The following ASMT variants were observed in gnomAD, a reference collection of about 807,000 sequenced individuals.
ASMT encodes the protein acetylserotonin N-methyltransferase.
Under a neutral mutation model 41.3 loss-of-function variants are expected in ASMT, and 53 were observed. The ratio of observed to expected loss-of-function variants is 1.28; its 90% CI spans 1.03 to 1.61. The LOEUF (loss-of-function observed/expected upper bound fraction) is 1.61, where lower values mean the gene tolerates loss of function less well. Among genes scored for constraint, ASMT ranks in the 40% most tolerant of loss-of-function variants. ASMT has a pLI of 0.00. For synonymous variants in ASMT, 231 were observed against 184.8 expected, an observed-to-expected ratio of 1.25 and a Z score of -2.03; for missense variants, 531 against 441.3, an observed-to-expected ratio of 1.20 and a Z score of -1.82.
chrX:1,619,417 G>A (rs1478126146), intron 1 of ASMT, among the ~76,000 whole-genome samples: 2 of 150,328 alleles, frequency 1.3e-5, no homozygotes, highest in Non-Finnish European at 3.0e-5. Flanking sequence ...AAAAGTGGGG[G>A]CTGGGGAGGG....
intron 1 of ASMT, among the ~76,000 whole-genome samples, chrX:1,616,691 G>C (rs1434017265): frequency 2.6e-5 from 4 of 151,162 alleles, no homozygotes; most frequent in Admixed American, 2.0e-4. Flanking sequence ...GCAACATAGT[G>C]AGACCCCCCA....
chrX:1,620,964 C>A (rs1466179267), intron 1 of ASMT, among the ~76,000 whole-genome samples: 2 of 151,476 alleles, frequency 1.3e-5, no homozygotes, highest in Non-Finnish European at 2.9e-5. Context: ...GGTGTGGTGG[C>A]ACGTGCCTGT....
intron 7 of ASMT, 93 bp from the exon 8 acceptor site, chrX:1,636,345 G>T: frequency 6.3e-7 from 1 of 1,583,088 alleles, no homozygotes; most frequent in South Asian, 1.1e-5. Flanking sequence ...GGAAAGGCGT[G>T]ACCCATCCAG....
At chrX:1,634,710 G>C (rs1934895875) in intron 7 of ASMT, among the ~76,000 whole-genome samples, 1 of 149,652 alleles carries the variant, frequency 6.7e-6, no homozygotes, top group Non-Finnish European at 1.5e-5. Context: ...TGTCACCCAG[G>C]CTGGAGTGCA....
chrX:1,620,874 C>T (rs1200591253), intron 1 of ASMT, among the ~76,000 whole-genome samples: 11 of 150,434 alleles, frequency 7.3e-5, no homozygotes, highest in Middle Eastern at 3.4e-3. Context: ...GGCGACAGAG[C>T]GAGACTCTGT....
intron 7 of ASMT, 87 bp from the exon 8 acceptor site, chrX:1,636,351 T>A (rs762617586): frequency 1.3e-6 from 2 of 1,598,114 alleles, no homozygotes; most frequent in South Asian, 2.2e-5. Flanking sequence ...GCGTGACCCA[T>A]CCAGGTGACC....
intron 1 of ASMT, among the ~76,000 whole-genome samples, chrX:1,618,490 A>G (rs1934219284): frequency 1.5e-5 from 2 of 137,022 alleles, no homozygotes; most frequent in Non-Finnish European, 1.6e-5. Flanking sequence ...GGTAGAGATG[A>G]GGTTTCATCA....
chrX:1,623,009 AT>A (rs1451979399), intron 1 of ASMT, 129 bp from the exon 2 acceptor site: 8 of 828,048 alleles, frequency 9.7e-6, no homozygotes, highest in Non-Finnish European at 1.3e-5. Flanking sequence ...AAAAAAAAAA[AT>A]AAATAAATGA....
chrX:1,617,832 C>T (rs1603461104), intron 1 of ASMT, among the ~76,000 whole-genome samples: 2 of 151,920 alleles, frequency 1.3e-5, no homozygotes, highest in Admixed American at 1.3e-4. Flanking sequence ...TCAGGCTGGT[C>T]TCGAACTCCC....
In ASMT at chrX:1,636,499, T is replaced by A; in HGVS notation, c.849T>A (p.His283Gln). Residue 283 changes from histidine to glutamine, a missense_variant, in exon 8 of 9, where the codon CAT becomes CAA. Physicochemically the swap from His to Gln is conservative, Grantham distance 24. Coordinates refer to ENST00000381241, the MANE Select transcript of ASMT (RefSeq NM_001171038.2). ...TGTACATCCTGGCCAGGGTCCTCCATGACTGGGCAGACGGAAAGTGCTCAC... is the reference window on the plus strand; with the variant it reads ...TGTACATCCTGGCCAGGGTCCTCCAAGACTGGGCAGACGGAAAGTGCTCAC... ...ADLYILARVL[H>Q]DWADGKCSHL... 6.2e-7 allele frequency: 1 copy of A among 1,613,934 alleles called. No individual in the cohort carries two copies. Among genetic ancestry groups the A allele is most frequent in the Non-Finnish European group, 8.5e-7 (1 of 1,179,858 alleles).
chrX:1,636,654 C>T, intron 8 of ASMT, 94 bp downstream of exon 8: 3 of 1,597,236 alleles, frequency 1.9e-6, no homozygotes, highest in Non-Finnish European at 2.6e-6. Context: ...AATCATCCCA[C>T]AGGTAAGGGT....
rs746564756 is a variant in ASMT at position 1,628,159 on chromosome X, A to G, written c.443+388A>G. 3.1e-5 allele frequency: 8 copies of G among 259,270 alleles called. No individual in the cohort carries two copies. In the East Asian group the frequency reaches 5.0e-4, roughly 16 times the overall value. 16.1% of individuals were successfully genotyped at this position (259,270 alleles called of 1,614,324 possible). ...AACAGGGTGAAACCCCGTCTCTACT[A>G]AAAATACAAAAATTAGCCGGGCGTG... On this transcript the variant is annotated intron_variant, in intron 4 of 8. Coordinates refer to ENST00000381241, the MANE Select transcript of ASMT (RefSeq NM_001171038.2).
intron 2 of ASMT, among the ~76,000 whole-genome samples, chrX:1,624,003 C>CTCAGAGGAAG: frequency 6.6e-6 from 1 of 152,166 alleles, no homozygotes; most frequent in South Asian, 2.1e-4. Context: ...CCTCTCGTGG[C>CTCAGAGGAAG]TCATCTGCCT....
chrX:1,624,375 G>C lies in ASMT; in HGVS notation c.351G>C (p.Trp117Cys), dbSNP rs763660854. Residue 117 changes from tryptophan (W) to cysteine (C), a missense_variant, in exon 3 of 9, where the codon TGG becomes TGC. By Grantham distance (215) the Trp-to-Cys change is radical. Transcript: ENST00000381241. ...KYMGRTSYRC[W>C]GHLADAVREG... ...TGGGCAGGACCAGCTACCGGTGCTG[G>C]GGCCACCTGGCAGACGCCGTGAGGT... 1 of 1,613,610 alleles carries C rather than the reference G, an allele frequency of 6.2e-7. No homozygotes were observed. Among genetic ancestry groups the C allele is most frequent in the Non-Finnish European group, 8.5e-7 (1 of 1,179,874 alleles).
chrX:1,616,977 G>C (rs1218109690), intron 1 of ASMT, among the ~76,000 whole-genome samples: 8 of 152,118 alleles, frequency 5.3e-5, no homozygotes, highest in Admixed American at 3.3e-4. Context: ...CAAAGTGCTG[G>C]GATTACAGGC....
chrX:1,642,851 G>C lies in ASMT; in HGVS notation c.959G>C (p.Gly320Ala), dbSNP rs765596621. The C allele has an allele frequency of 1.2e-6, 2 of 1,613,870 alleles. No individual in the cohort carries two copies. The highest frequency in any genetic ancestry group is 1.7e-6 in the Non-Finnish European group (2 of 1,179,880). The change falls in exon 9 of 9, where the codon GGT becomes GCT. Residue 320 changes from glycine (G) to alanine (A), a missense_variant. By Grantham distance (60) the Gly-to-Ala change is moderately conservative. Coordinates refer to ENST00000381241, the MANE Select transcript of ASMT (RefSeq NM_001171038.2). The stretch of plus-strand genomic sequence containing the variant: ...AGCCTCCTGGATGAAGACAGGCGAG[G>C]TCCTCTGCTCACGCAGCTCTACTCT... ...IESLLDEDRR[G>A]PLLTQLYSLN...
intron 1 of ASMT, among the ~76,000 whole-genome samples, chrX:1,618,064 C>T (rs1401369128): frequency 1.3e-4 from 19 of 149,440 alleles, no homozygotes; most frequent in Non-Finnish European, 2.2e-4. Flanking sequence ...GAGCGGCCTC[C>T]GCCTACGGGG....
chrX:1,623,183 C>T lies in ASMT; in HGVS notation c.114C>T (p.Ala38=), dbSNP rs147563530. Residue 38 remains alanine, a synonymous_variant, in exon 2 of 9, where the codon GCC becomes GCT. Coordinates refer to ENST00000381241, the MANE Select transcript of ASMT (RefSeq NM_001171038.2). The part of the protein sequence containing the change: ...ACELGVFDLL[A]EAPGPLDVAA... ...AGCTGGGCGTGTTTGACCTTCTCGC[C>T]GAGGCCCCAGGGCCCCTGGACGTGG... 5.0e-5 allele frequency: 81 copies of T among 1,613,066 alleles called. No individual in the cohort carries two copies. The highest frequency in any genetic ancestry group is 1.8e-4 in the Middle Eastern group (1 of 5,530).
chrX:1,637,006 G>C (rs866792884), intron 8 of ASMT, among the ~76,000 whole-genome samples: 1 of 38,910 alleles, frequency 2.6e-5, no homozygotes, highest in Non-Finnish European at 4.7e-5. Flanking sequence ...GTGTGTGATG[G>C]GGACAGTGTC....
Sources: allele counts gnomAD v4.1 joint callset (sites outside exome capture counted in the v4.1 genomes callset), GRCh38; gene constraint gnomAD v4.1.1; transcripts MANE v1.5; gene names NCBI Gene and HGNC (gene_info 2026-07-23, HGNC 2026-07-21).